STARD5: variants seen among roughly 807,000 people sequenced by gnomAD.
STARD5 encodes stAR-related lipid transfer protein 5.
In STARD5, 26 loss-of-function variants were observed where a neutral mutation model predicts 24.6. The observed-to-expected ratio is 1.06, with a 90% CI of 0.77 to 1.47. The LOEUF is 1.47. Ranked by LOEUF, STARD5 falls within the 40% of genes most tolerant of loss-of-function variation. The pLI, the probability that STARD5 is intolerant of heterozygous loss-of-function variation, is 0.00. For synonymous variants in STARD5, 101 were observed against 99.7 expected (o/e 1.01, Z -0.07); for missense variants, 254 against 270.8 (o/e 0.94, Z 0.44).
chr15:81,317,169 C>G (rs1396321793), intron 5 of STARD5, among the ~76,000 whole-genome samples: 1 of 147,670 alleles, frequency 6.8e-6, no homozygotes, highest in Non-Finnish European at 1.5e-5. Flanking sequence ...TGCACTCCGG[C>G]CTGGGTGACA....
In STARD5 at chr15:81,313,094, T is replaced by G. The variant is rs1596068019; in HGVS notation, c.*162A>C. On this transcript the variant is annotated 3_prime_UTR_variant, in exon 6 of 6. Coordinates refer to ENST00000302824, the MANE Select transcript of STARD5 (RefSeq NM_181900.3). ...TGAGTGGGGCAGGAGGCAGGAAGGG[T>G]GGGCTGCCGCCTCTGGTTGGCATTC... 1 of 787,642 alleles carries G rather than the reference T, an allele frequency of 1.3e-6. No homozygotes were observed. 48.8% of individuals were successfully genotyped at this position (787,642 alleles called of 1,614,324 possible).
chr15:81,323,859 T>C (rs1893337582), intron 1 of STARD5, 142 bp downstream of exon 1: 1 of 843,118 alleles, frequency 1.2e-6, no homozygotes, highest in African/African-American at 1.7e-5. Flanking sequence ...AAGAAAACAA[T>C]CCCCATTGGA....
At chr15:81,317,025 C>T (rs529773961) in intron 5 of STARD5, among the ~76,000 whole-genome samples, 27 of 152,004 alleles carry the variant, frequency 1.8e-4, no homozygotes, top group African/African-American at 6.3e-4. Context: ...GGTGAAACCC[C>T]GGCTCTACTA....
At chr15:81,322,301 A>AC in intron 3 of STARD5, 107 bp downstream of exon 3, 1 of 1,440,666 alleles carries the variant, frequency 6.9e-7, no homozygotes. Flanking sequence ...TGCAGGACAC[A>AC]CCCCCTTAAC....
chr15:81,309,059 TGC>T lies in STARD5; in HGVS notation c.*4195_*4196del. 1 of 377,974 alleles carries T rather than the reference TGC, an allele frequency of 2.6e-6. No individual in the cohort carries two copies. Among genetic ancestry groups the T allele is most frequent in the Non-Finnish European group, 4.7e-6 (1 of 212,276 alleles). 23.4% of individuals were successfully genotyped at this position (377,974 alleles called of 1,614,324 possible). On this transcript the variant is annotated 3_prime_UTR_variant, in exon 6 of 6. Coordinates refer to ENST00000302824, the MANE Select transcript of STARD5 (RefSeq NM_181900.3). ...AGAGAGCTTAATGATAATATTGTGG[TGC>T]CACAAATAAAATGGATTTATTAGAA...
intron 5 of STARD5, among the ~76,000 whole-genome samples, chr15:81,315,873 C>T (rs1265046803): frequency 6.6e-6 from 1 of 152,234 alleles, no homozygotes; most frequent in Non-Finnish European, 1.5e-5. Context: ...CCCTGGAGTT[C>T]ACCCTCTTTG....
chr15:81,323,284 C>T, intron 1 of STARD5: 1 of 368,976 alleles, frequency 2.7e-6, no homozygotes, highest in Non-Finnish European at 5.0e-6. Context: ...CCCATGCTAC[C>T]CTCTGGCAAC....
At chr15:81,323,947 C>T (rs770784989) in intron 1 of STARD5, 54 bp downstream of exon 1, 1 of 1,540,508 alleles carries the variant, frequency 6.5e-7, no homozygotes, top group South Asian at 1.2e-5. Flanking sequence ...TTCTGGGGAC[C>T]CGGGCTCCAC....
rs955766171 is a variant in STARD5 at position 81,309,224 on chromosome 15, C to G, written c.*4032G>C. The G allele has an allele frequency of 3.1e-5, 5 of 161,944 alleles. No homozygotes were observed. The highest frequency in any genetic ancestry group is 1.3e-4 in the Admixed American group (2 of 15,756). 10.0% of individuals were successfully genotyped at this position (161,944 alleles called of 1,614,324 possible). On this transcript the variant is annotated 3_prime_UTR_variant, in exon 6 of 6. Transcript: ENST00000302824. Reference sequence around the variant, plus strand: ...AGAGATTGGAATGGGCAGCTCATCTCTGTCCCACTTGGCATCAGCTGGCGT... The same window carrying G: ...AGAGATTGGAATGGGCAGCTCATCTGTGTCCCACTTGGCATCAGCTGGCGT...
At chr15:81,322,168 C>G (rs1893302615) in intron 3 of STARD5, among the ~76,000 whole-genome samples, 1 of 152,208 alleles carries the variant, frequency 6.6e-6, no homozygotes, top group African/African-American at 2.4e-5. Context: ...ACACAAGGAA[C>G]AGGTATGCTC....
intron 5 of STARD5, among the ~76,000 whole-genome samples, chr15:81,316,353 T>C (rs935284973): frequency 2.6e-5 from 4 of 152,204 alleles, no homozygotes; most frequent in African/African-American, 4.8e-5. Context: ...CCTGCCTTCA[T>C]TGGAATCTAA....
At chr15:81,314,417 C>T (rs1049902477) in intron 5 of STARD5, among the ~76,000 whole-genome samples, 4 of 152,162 alleles carry the variant, frequency 2.6e-5, no homozygotes, top group Non-Finnish European at 5.9e-5. Flanking sequence ...ACAAACTTCT[C>T]AACGGCCAGG....
intron 3 of STARD5, among the ~76,000 whole-genome samples, chr15:81,320,292 C>T (rs76554009): frequency 0.028 from 4,196 of 152,294 alleles, 114 homozygotes; most frequent in East Asian, 0.16. Flanking sequence ...TGCTGCAGAA[C>T]TTTTCATCAG....
intron 5 of STARD5, among the ~76,000 whole-genome samples, chr15:81,315,500 C>T (rs1291168251): frequency 1.3e-5 from 2 of 152,146 alleles, no homozygotes; most frequent in African/African-American, 4.8e-5. Flanking sequence ...GCATCCACTA[C>T]GGTTGCTAGA....
Position 81,313,305 on chromosome 15 carries a change from G to T in STARD5, c.593C>A (p.Thr198Asn), listed in dbSNP as rs1171321965. 17 of 1,580,638 alleles carry T rather than the reference G, an allele frequency of 1.1e-5. No homozygotes were observed. Among genetic ancestry groups the T allele is most frequent in the Non-Finnish European group, 1.5e-5 (17 of 1,164,022 alleles). Residue 198 changes from threonine to asparagine, a missense_variant, in exon 6 of 6, where the codon ACC becomes AAC. Thr to Asn is a moderately conservative substitution (Grantham distance 65, BLOSUM62 0). Coordinates refer to ENST00000302824, the MANE Select transcript of STARD5 (RefSeq NM_181900.3). ...VVDSFFPRSM[T>N]RFYANLQKAV... ...TTTCTGAAGGTTGGCATAAAACCGGGTCATGCTGCGGGGGAAGAAGGAGTC... is the reference window on the plus strand; with the variant it reads ...TTTCTGAAGGTTGGCATAAAACCGGTTCATGCTGCGGGGGAAGAAGGAGTC...
chr15:81,317,557 C>T (rs1726689620), intron 5 of STARD5, among the ~76,000 whole-genome samples: 1 of 152,144 alleles, frequency 6.6e-6, no homozygotes, highest in South Asian at 2.1e-4. Context: ...GAAAAGTCTT[C>T]ACATGATGTC....
rs541234933 is a variant in STARD5, at chr15:81,316,946, C to T, written c.494+1463G>A. On this transcript the variant is annotated intron_variant, in intron 5 of 5. Transcript: ENST00000302824. ...AGGCGCGGTGACTCACGCCTGTAATCACAGCACTTTGGGAGGCCAAGACGG... is the reference window on the plus strand; with the variant it reads ...AGGCGCGGTGACTCACGCCTGTAATTACAGCACTTTGGGAGGCCAAGACGG... 6.0e-4 allele frequency among the ~76,000 whole-genome samples: 92 copies of T among 152,258 alleles called. 1 individual carries two copies. Among genetic ancestry groups the T allele is most frequent in the African/African-American group, 2.2e-3 (90 of 41,548 alleles).
Position 81,322,585 on chromosome 15 carries a change from T to C in STARD5, c.150-45A>G, listed in dbSNP as rs4635300. 0.013 allele frequency: 21,769 copies of C among 1,613,014 alleles called. 2,645 individuals are homozygous for C. In the African/African-American group the frequency reaches 0.26, roughly 19 times the overall value. On this transcript the variant is annotated intron_variant, in intron 2 of 5. Coordinates refer to ENST00000302824, the MANE Select transcript of STARD5 (RefSeq NM_181900.3). The stretch of plus-strand genomic sequence containing the variant: ...TTGACCCCAACGCATCAATCAAACT[T>C]GTTATCTTGAGATTGTATCTAAGGA...
At position 81,322,454 on chromosome 15, in the gene STARD5, C is replaced by T. The variant is rs1893307886; in HGVS notation, c.236G>A (p.Trp79Ter). 6.2e-7 allele frequency: 1 copy of T among 1,614,104 alleles called. No individual in the cohort carries two copies. Among genetic ancestry groups the T allele is most frequent in the African/African-American group, 1.3e-5 (1 of 74,916 alleles). Residue 79 changes from tryptophan (W) to a stop codon, truncating the protein, a stop_gained, in exon 3 of 6, where the codon TGG becomes TAG. Transcript: ENST00000302824. LOFTEE classifies it high-confidence loss of function. ...TTCAAAACCGGTCACATTCTCATCCCACTTCACTCGTAGGCCTCCAACAGC... is the reference window on the plus strand; with the variant it reads ...TTCAAAACCGGTCACATTCTCATCCTACTTCACTCGTAGGCCTCCAACAGC... ...KPAVGGLRVK[W>*]DENVTGFEII...
Sources: gnomAD v4.1 joint callset for allele counts (sites outside exome capture counted in the v4.1 genomes callset) on GRCh38, gnomAD v4.1.1 for gene constraint, MANE v1.5 for transcripts, NCBI Gene and HGNC (gene_info 2026-07-23, HGNC 2026-07-21) for gene names.